The following PLCG1 variants were observed in gnomAD, a reference collection of about 807,000 sequenced individuals.
PLCG1 encodes the protein phospholipase C gamma 1, also known as 1-phosphatidylinositol 4,5-bisphosphate phosphodiesterase gamma-1.
A neutral mutation model predicts 177.8 loss-of-function variants in PLCG1; 71 were observed. The ratio of observed to expected loss-of-function variants is 0.40; its 90% CI spans 0.33 to 0.49. The LOEUF is 0.49. PLCG1 is among the 20% of genes least tolerant of loss of function. The probability of loss-of-function intolerance (pLI) is 0.72; values close to 1 mark genes in which losing one functional copy is unlikely to be tolerated. For missense variants in PLCG1, 1,281 were observed against 1,709.0 expected (o/e 0.75, Z 4.42); for synonymous variants, 658 against 647.9 (o/e 1.02, Z -0.24).
rs983964213 is a variant in PLCG1 at position 41,164,255 on chromosome 20, C to T, written c.1217+54C>T. 22 of 1,590,980 alleles carry T rather than the reference C, an allele frequency of 1.4e-5. No homozygotes were observed. In the African/African-American group the frequency reaches 2.8e-4, roughly 20 times the overall value. On this transcript the variant is annotated intron_variant, in intron 12 of 31. Coordinates refer to ENST00000685551, the MANE Select transcript of PLCG1 (RefSeq NM_002660.3). The surrounding 1 kb of genome is among the most constrained non-coding windows in gnomAD (Gnocchi z 6.4). ...TTAACTTGGCTCCAGGTCTCTCGTTCTAGAGGGACAGAGGGCAGAAAGACT... is the reference window on the plus strand; with the variant it reads ...TTAACTTGGCTCCAGGTCTCTCGTTTTAGAGGGACAGAGGGCAGAAAGACT...
In PLCG1 at chr20:41,166,976, G is replaced by A; in HGVS notation, c.2301+117G>A. ...GGTGTGTTGTAGAAGTTCGTGGGAG[G>A]GCCCCTGACTCCAGCTGGGAGCCAC... is the stretch of plus-strand genomic sequence containing the variant. On this transcript the variant is annotated intron_variant, in intron 19 of 31. Coordinates refer to ENST00000685551, the MANE Select transcript of PLCG1 (RefSeq NM_002660.3). This position sits in a 1 kb window ranked among gnomAD's most constrained non-coding sequence, Gnocchi z 8.6. 1 of 968,382 alleles carries A rather than the reference G, an allele frequency of 1.0e-6. No homozygotes were observed. 60.0% of individuals were successfully genotyped at this position (968,382 alleles called of 1,614,324 possible).
chr20:41,169,424 A>G, intron 22 of PLCG1, 33 bp from the exon 23 acceptor site: 1 of 1,547,932 alleles, frequency 6.5e-7, no homozygotes, highest in Non-Finnish European at 8.9e-7. Flanking sequence ...TGCAGTAGCC[A>G]TGCTGACCAT....
intron 1 of PLCG1, among the ~76,000 whole-genome samples, chr20:41,139,799 G>A (rs2034758799): frequency 6.6e-6 from 1 of 152,212 alleles, no homozygotes; most frequent in African/African-American, 2.4e-5. Flanking sequence ...GAAGGTGCAG[G>A]AAGGGAGGAG....
Position 41,162,745 on chromosome 20 carries a change from T to G in PLCG1, c.681+20T>G. On this transcript the variant is annotated intron_variant, in intron 6 of 31. Transcript: ENST00000685551. Reference sequence around the variant, plus strand: ...AAGACGGTGCATGAGCCACCTGCCCTCCCTCAACCCCTGCCCCTGCTCTTC... The same window carrying G: ...AAGACGGTGCATGAGCCACCTGCCCGCCCTCAACCCCTGCCCCTGCTCTTC... The G allele has an allele frequency of 1.3e-6, 2 of 1,588,808 alleles. No individual in the cohort carries two copies. The highest frequency in any genetic ancestry group is 8.6e-7 in the Non-Finnish European group (1 of 1,162,202).
rs372257814 is a variant in PLCG1 at position 41,174,302 on chromosome 20, G to A, written c.3824G>A (p.Arg1275Gln). The A allele has an allele frequency of 6.2e-5, 100 of 1,613,236 alleles. No individual in the cohort carries two copies. The highest frequency in any genetic ancestry group is 2.0e-4 in the East Asian group (9 of 44,876). ...CATCTCGCAGACCATTTTGACAGTC[G>A]AGAACGAAGGTGAGGAAGATGGAGG... The part of the protein sequence containing the change: ...QEHLADHFDS[R>Q]ERRAPRRTRV... Residue 1275 changes from arginine (R) to glutamine (Q), a missense_variant, in exon 31 of 32, where the codon CGA becomes CAA. Around this residue, in one of 4 missense-constraint regions of PLCG1, gnomAD observed 153 missense variants for 153.2 expected, o/e 1.00. Transcript: ENST00000685551. The surrounding 1 kb of genome is among the most constrained non-coding windows in gnomAD (Gnocchi z 5.8).
rs1472048713 is a variant in PLCG1, at chr20:41,173,601, A to G, written c.3395-51A>G. 6.2e-7 allele frequency: 1 copy of G among 1,614,008 alleles called. No homozygotes were observed. Among genetic ancestry groups the G allele is most frequent in the Admixed American group, 1.7e-5 (1 of 60,014 alleles). On this transcript the variant is annotated intron_variant, in intron 28 of 31. Transcript: ENST00000685551. The surrounding 1 kb of genome is among the most constrained non-coding windows in gnomAD (Gnocchi z 6.2). The stretch of plus-strand genomic sequence containing the variant: ...CACTGCAAGCCTCTCCCCACCAGTC[A>G]TCCCATCCTCTCCCACGGTGACCTG...
chr20:41,152,391 CAG>C (rs1480507344), intron 1 of PLCG1, among the ~76,000 whole-genome samples: 2 of 152,208 alleles, frequency 1.3e-5, no homozygotes, highest in Non-Finnish European at 2.9e-5. Context: ...CCAGTGTTTC[CAG>C]ACTGTATTTG....
rs760762 is a variant in PLCG1 at position 41,147,406 on chromosome 20, C to T, written c.217+9548C>T. ...TTCTGGCCTGAGAACTGGTCTACACCGGAAGCATGAAGCTCCATACAATCA... is the reference window on the plus strand; with the variant it reads ...TTCTGGCCTGAGAACTGGTCTACACTGGAAGCATGAAGCTCCATACAATCA... On this transcript the variant is annotated intron_variant, in intron 1 of 31. Transcript: ENST00000685551. The surrounding 1 kb of genome is among the most constrained non-coding windows in gnomAD (Gnocchi z 4.0). Among the ~76,000 whole-genome samples the T allele has an allele frequency of 0.59, 89,116 of 152,178 alleles. 27,614 individuals carry two copies. Among genetic ancestry groups the T allele is most frequent in the East Asian group, 0.82 (4,256 of 5,176 alleles).
In PLCG1 at chr20:41,156,135, C is replaced by T. The variant is rs1378325669; in HGVS notation, c.218-3471C>T. Among the ~76,000 whole-genome samples, 1 of 152,192 alleles carries T rather than the reference C, an allele frequency of 6.6e-6. No individual in the cohort carries two copies. The highest frequency in any genetic ancestry group is 1.9e-4 in the East Asian group (1 of 5,188). ...CCAGGCACAGGTGTGTGTGGTCCCT[C>T]ATTACTTCAGAGCCCCTTAAGAAAG... On this transcript the variant is annotated intron_variant, in intron 1 of 31. Transcript: ENST00000685551. This position sits in a 1 kb window ranked among gnomAD's most constrained non-coding sequence, Gnocchi z 5.0.
At position 41,176,318 on chromosome 20, in the gene PLCG1, C is replaced by G. The variant is rs1390269077; in HGVS notation, c.*1809C>G. The G allele has an allele frequency of 6.6e-6, 1 of 152,190 alleles. No homozygotes were observed. Among genetic ancestry groups the G allele is most frequent in the African/African-American group, 2.4e-5 (1 of 41,442 alleles). The allele number at this position is 152,190 out of a possible 1,614,324, so 9.4% of individuals were successfully genotyped here. On this transcript the variant is annotated 3_prime_UTR_variant, in exon 32 of 32. Coordinates refer to ENST00000685551, the MANE Select transcript of PLCG1 (RefSeq NM_002660.3). The stretch of plus-strand genomic sequence containing the variant: ...TGACTTTCTTTTACAGCTTCACAGT[C>G]CCAGTTCATAGAGAGGAGGGTGGCT...
chr20:41,155,022 T>G (rs1192468928), intron 1 of PLCG1, among the ~76,000 whole-genome samples: 1 of 152,146 alleles, frequency 6.6e-6, no homozygotes, highest in African/African-American at 2.4e-5. Context: ...TAACTGCTGG[T>G]CTCTAATCTC....
At chr20:41,169,990 G>A (rs1228133766) in intron 23 of PLCG1, 122 bp from the exon 24 acceptor site, 1 of 870,910 alleles carries the variant, frequency 1.1e-6, no homozygotes, top group African/African-American at 1.7e-5. Context: ...TTCCCCTCAT[G>A]GGGTGTGGGA....
chr20:41,159,498 G>A lies in PLCG1; in HGVS notation c.218-108G>A, dbSNP rs2035424765. 8.8e-7 allele frequency: 1 copy of A among 1,140,696 alleles called. No homozygotes were observed. Among genetic ancestry groups the A allele is most frequent in the African/African-American group, 1.6e-5 (1 of 64,502 alleles). 70.7% of individuals were successfully genotyped at this position (1,140,696 alleles called of 1,614,324 possible). ...GAGTGGTCTTGGCTCTGCCTCTGGG[G>A]TTCCTCCCTGAGAGAGAGTGTAAGA... On this transcript the variant is annotated intron_variant, in intron 1 of 31. Coordinates refer to ENST00000685551, the MANE Select transcript of PLCG1 (RefSeq NM_002660.3). This position sits in a 1 kb window ranked among gnomAD's most constrained non-coding sequence, Gnocchi z 6.0.
intron 24 of PLCG1, among the ~76,000 whole-genome samples, chr20:41,171,586 C>CAAAAAA (rs71844995): frequency 3.1e-5 from 2 of 64,106 alleles, no homozygotes; most frequent in East Asian, 5.1e-4. Context: ...GACTCTGTCT[C>CAAAAAA]AAAAAAAAAA....
At chr20:41,169,331 A>G (rs990853826) in intron 22 of PLCG1, 126 bp from the exon 23 acceptor site, 3 of 933,832 alleles carry the variant, frequency 3.2e-6, no homozygotes, top group African/African-American at 1.6e-5. Flanking sequence ...AGTCTCCCAT[A>G]TACCTGTGCT....
In PLCG1 at chr20:41,176,692, A is replaced by G. The variant is rs186197363; in HGVS notation, c.*2183A>G. ...AAGACATTGCCTTTGCCTCACTGCAAATGTTTTGATTGTTCTTCCTAGTGG... is the reference window on the plus strand; with the variant it reads ...AAGACATTGCCTTTGCCTCACTGCAGATGTTTTGATTGTTCTTCCTAGTGG... On this transcript the variant is annotated 3_prime_UTR_variant, in exon 32 of 32. Coordinates refer to ENST00000685551, the MANE Select transcript of PLCG1 (RefSeq NM_002660.3). 4.0e-5 allele frequency: 6 copies of G among 150,854 alleles called. No homozygotes were observed. Among genetic ancestry groups the G allele is most frequent in the Admixed American group, 2.0e-4 (3 of 15,158 alleles). 9.3% of individuals were successfully genotyped at this position (150,854 alleles called of 1,614,324 possible).
In PLCG1 at chr20:41,172,683, C is replaced by T; in HGVS notation, c.3130+38C>T. The T allele has an allele frequency of 6.2e-7, 1 of 1,612,672 alleles. No individual in the cohort carries two copies. Among genetic ancestry groups the T allele is most frequent in the South Asian group, 1.1e-5 (1 of 90,998 alleles). On this transcript the variant is annotated intron_variant, in intron 26 of 31. Coordinates refer to ENST00000685551, the MANE Select transcript of PLCG1 (RefSeq NM_002660.3). The surrounding 1 kb of genome is among the most constrained non-coding windows in gnomAD (Gnocchi z 7.0). ...CCTGTGAGGAGGGTGAGGAGGGGCA[C>T]TGTGGGGCAGCTGGACTGGAATACA...
intron 24 of PLCG1, chr20:41,170,908 C>T (rs2035877033): frequency 6.6e-6 from 1 of 152,586 alleles, no homozygotes; most frequent in African/African-American, 2.4e-5. Flanking sequence ...CTTTGTAGGG[C>T]CTGTCCTTGA....
In PLCG1 at chr20:41,141,643, A is replaced by G. The variant is rs563106510; in HGVS notation, c.217+3785A>G. On this transcript the variant is annotated intron_variant, in intron 1 of 31. Transcript: ENST00000685551. ...CATGTCCGGATCTCCAGAGCTAGCC[A>G]TCCCTGCCTGTGTATTTCCTGTCTG... 2.8e-4 allele frequency among the ~76,000 whole-genome samples: 42 copies of G among 152,372 alleles called. 1 individual carries two copies. The highest frequency in any genetic ancestry group is 9.4e-4 in the African/African-American group (39 of 41,602).
Sources: allele counts gnomAD v4.1 joint callset (sites outside exome capture counted in the v4.1 genomes callset), GRCh38; gene constraint gnomAD v4.1.1; regional missense constraint gnomAD v4.1.1; non-coding constraint Gnocchi (gnomAD v3.1); transcripts MANE v1.5; gene names NCBI Gene and HGNC (gene_info 2026-07-23, HGNC 2026-07-21).